The following ZNF536 variants were observed in gnomAD, a reference collection of about 807,000 sequenced individuals.
The protein encoded by ZNF536 is zinc finger protein 536.
Under a neutral mutation model 84.5 loss-of-function variants are expected in ZNF536, and 13 were observed. The ratio of observed to expected loss-of-function variants is 0.15; its 90% CI spans 0.10 to 0.24. The LOEUF (loss-of-function observed/expected upper bound fraction) is 0.24, where lower values mean the gene tolerates loss of function less well. Ranked by LOEUF, ZNF536 falls within the 10% of genes least tolerant of loss-of-function variation. The probability of loss-of-function intolerance (pLI) is 1.00; values close to 1 mark genes in which losing one functional copy is unlikely to be tolerated. For missense variants in ZNF536, 1,536 were observed against 1,747.5 expected (o/e 0.88, Z 2.16); for synonymous variants, 811 against 742.5 (o/e 1.09, Z -1.50).
At chr19:30,689,018 A>G (rs2051305790) in intron 1 of ZNF536, among the ~76,000 whole-genome samples, 1 of 152,222 alleles carries the variant, frequency 6.6e-6, no homozygotes, top group Non-Finnish European at 1.5e-5. Flanking sequence ...TCTGCTCCAC[A>G]TTCTGTGCTG....
intron 1 of ZNF536, among the ~76,000 whole-genome samples, chr19:30,580,718 C>T (rs111285865): frequency 1.3e-5 from 2 of 152,136 alleles, no homozygotes; most frequent in African/African-American, 2.4e-5. Context: ...AATAGGGTCT[C>T]GAGGAAATTC....
In ZNF536 at chr19:30,548,037, G is replaced by A. The variant is rs2146178677; in HGVS notation, c.2418G>A (p.Gln806=). The A allele has an allele frequency of 4.3e-6, 7 of 1,613,994 alleles. No homozygotes were observed. The highest frequency in any genetic ancestry group is 5.9e-6 in the Non-Finnish European group (7 of 1,179,986). ...TAGAGCGACACCATCGGGAGCGGCA[G>A]AACGGGGCTGGGCCGCTGTCTGGGC... ...YHLERHHRER[Q]NGAGPLSGQP... The change falls in exon 4 of 5, where the codon CAG becomes CAA. Residue 806 remains glutamine (Q), a synonymous_variant. Coordinates refer to ENST00000355537, the MANE Select transcript of ZNF536 (RefSeq NM_014717.3).
intron 1 of ZNF536, among the ~76,000 whole-genome samples, chr19:30,395,675 G>A (rs1161181491): frequency 1.3e-5 from 2 of 152,178 alleles, no homozygotes; most frequent in South Asian, 2.1e-4. Flanking sequence ...ACCTCTTCAT[G>A]TGGCTGAGTC....
intron 3 of ZNF536, among the ~76,000 whole-genome samples, chr19:30,367,342 G>C (rs1399555757): frequency 6.6e-6 from 1 of 152,154 alleles, no homozygotes; most frequent in African/African-American, 2.4e-5. Flanking sequence ...CTCAGACAAG[G>C]CTCTAACTTA....
intron 1 of ZNF536, among the ~76,000 whole-genome samples, chr19:30,604,375 G>A (rs2047797411): frequency 6.6e-6 from 1 of 152,088 alleles, no homozygotes; most frequent in African/African-American, 2.4e-5. Context: ...ACATTTTGAA[G>A]TCTATATTCC....
intron 2 of ZNF536, among the ~76,000 whole-genome samples, chr19:30,312,377 C>T (rs577745580): frequency 7.2e-5 from 11 of 152,270 alleles, no homozygotes; most frequent in African/African-American, 2.2e-4. Context: ...GTGGTCCTGC[C>T]TCCTCCACTT....
At chr19:30,693,217 C>T (rs2051492518) in intron 1 of ZNF536, among the ~76,000 whole-genome samples, 1 of 152,182 alleles carries the variant, frequency 6.6e-6, no homozygotes, top group African/African-American at 2.4e-5. Flanking sequence ...AGCTGACCCT[C>T]TTGGGTCCAC....
chr19:30,245,024 G>A (rs2024171462), intron 1 of ZNF536, among the ~76,000 whole-genome samples: 1 of 152,134 alleles, frequency 6.6e-6, no homozygotes, highest in Non-Finnish European at 1.5e-5. Context: ...TGTCTACCTA[G>A]CTGTCCCCAT....
At chr19:30,468,862 C>A (rs1470193144) in intron 2 of ZNF536, among the ~76,000 whole-genome samples, 2 of 152,050 alleles carry the variant, frequency 1.3e-5, no homozygotes, top group Non-Finnish European at 1.5e-5. Flanking sequence ...GGTGCAGGTG[C>A]AGAGAGGGAT....
chr19:30,623,331 G>A (rs775904227), intron 1 of ZNF536, among the ~76,000 whole-genome samples: 1 of 152,192 alleles, frequency 6.6e-6, no homozygotes, highest in Non-Finnish European at 1.5e-5. Flanking sequence ...CAGCACAGTG[G>A]TCTGAGTGAT....
chr19:30,406,974 C>G (rs1600600198), intron 1 of ZNF536, among the ~76,000 whole-genome samples: 1 of 152,202 alleles, frequency 6.6e-6, no homozygotes, highest in South Asian at 2.1e-4. Context: ...CCTGGACTGA[C>G]TGCAATCATG....
intron 1 of ZNF536, among the ~76,000 whole-genome samples, chr19:30,662,772 C>G (rs918490802): frequency 1.2e-4 from 18 of 151,956 alleles, no homozygotes; most frequent in African/African-American, 4.3e-4. Flanking sequence ...GACGGCCGGT[C>G]GGGGCTGTGG....
At chr19:30,567,118 C>A (rs2046381086) in intron 1 of ZNF536, among the ~76,000 whole-genome samples, 1 of 152,220 alleles carries the variant, frequency 6.6e-6, no homozygotes, top group Admixed American at 6.5e-5. Context: ...TTTTCTGTGC[C>A]TTTAATACAC....
chr19:30,299,060 G>A (rs2046097398), intron 2 of ZNF536, among the ~76,000 whole-genome samples: 1 of 152,256 alleles, frequency 6.6e-6, no homozygotes, highest in Middle Eastern at 3.4e-3. Flanking sequence ...TGGGCTTCGT[G>A]GTATGAGGCC....
intron 2 of ZNF536, among the ~76,000 whole-genome samples, chr19:30,523,655 C>A (rs1457097581): frequency 6.6e-6 from 1 of 152,154 alleles, no homozygotes; most frequent in Non-Finnish European, 1.5e-5. Flanking sequence ...TCAGTTTCAG[C>A]AGAGATTTGT....
intron 1 of ZNF536, among the ~76,000 whole-genome samples, chr19:30,698,995 T>C (rs950764678): frequency 1.3e-5 from 2 of 152,252 alleles, no homozygotes; most frequent in African/African-American, 4.8e-5. Context: ...TGGGTCATAA[T>C]CTGATATTAT....
chr19:30,510,967 T>A (rs527371938), intron 2 of ZNF536, among the ~76,000 whole-genome samples: 1 of 152,246 alleles, frequency 6.6e-6, no homozygotes, highest in South Asian at 2.1e-4. Context: ...GGATATCATA[T>A]CTCCCATTTG....
chr19:30,636,938 G>A (rs1239766214), intron 1 of ZNF536, among the ~76,000 whole-genome samples: 1 of 152,194 alleles, frequency 6.6e-6, no homozygotes, highest in African/African-American at 2.4e-5. Context: ...AGCCATGACA[G>A]TCATTTTTCT....
intron 1 of ZNF536, among the ~76,000 whole-genome samples, chr19:30,279,203 ATCT>A (rs1386774712): frequency 6.6e-5 from 10 of 152,086 alleles, no homozygotes; most frequent in African/African-American, 2.4e-4. Context: ...CAGCTTTATT[ATCT>A]TCTTAGAGAT....
Sources: gnomAD v4.1 joint callset for allele counts (sites outside exome capture counted in the v4.1 genomes callset) on GRCh38, gnomAD v4.1.1 for gene constraint, MANE v1.5 for transcripts, NCBI Gene and HGNC (gene_info 2026-07-23, HGNC 2026-07-21) for gene names.